The following GFOD1 variants were observed in gnomAD, a reference collection of about 807,000 sequenced individuals.
The protein encoded by GFOD1 is Gfo/Idh/MocA-like oxidoreductase domain containing 1.
In GFOD1, 9 loss-of-function variants were observed where a neutral mutation model predicts 25.4. That is an observed-to-expected ratio of 0.35 (90% CI 0.21 to 0.62). The LOEUF (loss-of-function observed/expected upper bound fraction) is 0.62. Ranked by LOEUF, GFOD1 falls within the 20% of genes least tolerant of loss-of-function variation. GFOD1 has a pLI of 0.72. For missense variants in GFOD1, 403 were observed against 556.9 expected, an observed-to-expected ratio of 0.72 and a Z score of 2.78; for synonymous variants, 253 against 245.6, an observed-to-expected ratio of 1.03 and a Z score of -0.28.
chr6:13,395,363 C>T (rs1785709861), intron 1 of GFOD1, among the ~76,000 whole-genome samples: 1 of 152,156 alleles, frequency 6.6e-6, no homozygotes, highest in Admixed American at 6.5e-5. Flanking sequence ...GGCACTGGAT[C>T]CATGATAAAG....
chr6:13,427,669 A>G lies in GFOD1; in HGVS notation c.253+58969T>C, dbSNP rs557638305. Reference sequence around the variant, plus strand: ...CTGTCTCAAAAAAAAAGGCTTTGTAATAAACTTTTCTGATGTTTTTCAGAA... The same window carrying G: ...CTGTCTCAAAAAAAAAGGCTTTGTAGTAAACTTTTCTGATGTTTTTCAGAA... On this transcript the variant is annotated intron_variant, in intron 1 of 1. Coordinates refer to ENST00000379287, the MANE Select transcript of GFOD1 (RefSeq NM_018988.4). 2.6e-4 allele frequency among the ~76,000 whole-genome samples: 40 copies of G among 152,344 alleles called. No homozygotes were observed. The South Asian group carries it at 7.3e-3, about 28-fold the overall frequency.
At chr6:13,426,967 TC>T (rs1175754885) in intron 1 of GFOD1, among the ~76,000 whole-genome samples, 2 of 152,210 alleles carry the variant, frequency 1.3e-5, no homozygotes, top group African/African-American at 2.4e-5. Flanking sequence ...CTCAGTTTTC[TC>T]CTCTGCACAG....
At position 13,359,646 on chromosome 6, in the gene GFOD1, A is replaced by G. The variant is rs1784916902; in HGVS notation, c.*5097T>C. On this transcript the variant is annotated 3_prime_UTR_variant, in exon 2 of 2. Coordinates refer to ENST00000379287, the MANE Select transcript of GFOD1 (RefSeq NM_018988.4). The stretch of plus-strand genomic sequence containing the variant: ...GTACATTCAAGACATAATTGAATTT[A>G]TTTTAAAAAATGGATTTCCCGGCTG... The G allele has an allele frequency of 6.6e-6, 1 of 152,218 alleles. No homozygotes were observed. Among genetic ancestry groups the G allele is most frequent in the Non-Finnish European group, 1.5e-5 (1 of 68,042 alleles). 9.4% of individuals were successfully genotyped at this position (152,218 alleles called of 1,614,324 possible).
At chr6:13,441,469 C>T (rs931617580) in intron 1 of GFOD1, among the ~76,000 whole-genome samples, 7 of 152,126 alleles carry the variant, frequency 4.6e-5, no homozygotes, top group African/African-American at 1.7e-4. Flanking sequence ...GGGTTCTGTC[C>T]GATTTCATAC....
chr6:13,436,802 T>C (rs1390438373), intron 1 of GFOD1, among the ~76,000 whole-genome samples: 2 of 152,216 alleles, frequency 1.3e-5, no homozygotes, highest in Non-Finnish European at 2.9e-5. Flanking sequence ...TATGAGAAAA[T>C]GATTGATGAG....
At chr6:13,456,421 C>T (rs551604904) in intron 1 of GFOD1, among the ~76,000 whole-genome samples, 22 of 152,198 alleles carry the variant, frequency 1.4e-4, no homozygotes, top group South Asian at 2.1e-4. Context: ...GTGATCCACC[C>T]GCCTCGACTT....
intron 1 of GFOD1, among the ~76,000 whole-genome samples, chr6:13,471,218 G>A (rs1758496902): frequency 6.6e-6 from 1 of 152,154 alleles, no homozygotes; most frequent in Admixed American, 6.5e-5. Flanking sequence ...GTTCTCGAAA[G>A]TTCTTGCAGG....
intron 1 of GFOD1, among the ~76,000 whole-genome samples, chr6:13,479,976 C>A (rs1758711641): frequency 6.6e-6 from 1 of 152,186 alleles, no homozygotes; most frequent in African/African-American, 2.4e-5. Flanking sequence ...CCAAGTGCAT[C>A]ATGAGCATTA....
At chr6:13,457,035 T>G (rs1390091862) in intron 1 of GFOD1, among the ~76,000 whole-genome samples, 1 of 152,140 alleles carries the variant, frequency 6.6e-6, no homozygotes, top group Non-Finnish European at 1.5e-5. Context: ...AGATGGGGCT[T>G]TTCTCTCATA....
intron 1 of GFOD1, among the ~76,000 whole-genome samples, chr6:13,366,969 T>C (rs1477781535): frequency 6.6e-6 from 1 of 151,884 alleles, no homozygotes; most frequent in Non-Finnish European, 1.5e-5. Flanking sequence ...TAAACAGAAA[T>C]AGATTTTGCT....
intron 1 of GFOD1, among the ~76,000 whole-genome samples, chr6:13,480,707 G>A (rs759114162): frequency 6.6e-6 from 1 of 152,054 alleles, no homozygotes; most frequent in African/African-American, 2.4e-5. Context: ...GGCTGATCTC[G>A]AAGTCCTGGG....
At chr6:13,423,143 T>A (rs1181384727) in intron 1 of GFOD1, among the ~76,000 whole-genome samples, 1 of 151,778 alleles carries the variant, frequency 6.6e-6, no homozygotes, top group Admixed American at 6.6e-5. Flanking sequence ...AAAGTCTGTC[T>A]CATTTCCAAA....
In GFOD1 at chr6:13,485,756, C is replaced by G. The variant is rs976023817; in HGVS notation, c.253+882G>C. 4.6e-5 allele frequency among the ~76,000 whole-genome samples: 7 copies of G among 152,166 alleles called. No individual in the cohort carries two copies. The South Asian group carries it at 8.3e-4, about 18-fold the overall frequency. On this transcript the variant is annotated intron_variant, in intron 1 of 1. Transcript: ENST00000379287. ...GCCCACGGGTCAACACTGTGCCTTCCGAAACTATTCCTGAAGGCGATTAGG... is the reference window on the plus strand; with the variant it reads ...GCCCACGGGTCAACACTGTGCCTTCGGAAACTATTCCTGAAGGCGATTAGG...
chr6:13,462,155 G>A (rs1584666147), intron 1 of GFOD1, among the ~76,000 whole-genome samples: 1 of 152,202 alleles, frequency 6.6e-6, no homozygotes, highest in East Asian at 1.9e-4. Flanking sequence ...CAAATACCAT[G>A]GGGTTTGCAT....
chr6:13,366,140 A>G (rs554587683), intron 1 of GFOD1, among the ~76,000 whole-genome samples: 1 of 152,170 alleles, frequency 6.6e-6, no homozygotes, highest in South Asian at 2.1e-4. Context: ...ATATATTTCA[A>G]TATTACTTTA....
chr6:13,410,678 G>A (rs1241846806), intron 1 of GFOD1, among the ~76,000 whole-genome samples: 3 of 151,814 alleles, frequency 2.0e-5, no homozygotes, highest in African/African-American at 7.3e-5. Context: ...TGGAAAGAAG[G>A]GGCATTAATT....
rs1785033453 is a variant in GFOD1, at chr6:13,365,797, C to T, written c.254-135G>A. The T allele has an allele frequency of 1.3e-6, 1 of 749,670 alleles. No individual in the cohort carries two copies. Among genetic ancestry groups the T allele is most frequent in the Non-Finnish European group, 2.1e-6 (1 of 475,120 alleles). The allele number at this position is 749,670 out of a possible 1,614,324, so 46.4% of individuals were successfully genotyped here. A position where few individuals can be genotyped will look rare whatever the true frequency, so the allele number is the denominator to read the frequency against. On this transcript the variant is annotated intron_variant, in intron 1 of 1. Transcript: ENST00000379287. This position sits in a 1 kb window ranked among gnomAD's most constrained non-coding sequence, Gnocchi z 9.2. ...TGGTGGCTCATGCCTGTTGTCCCAG[C>T]ACTTTGGGAGGCCAAGGCCGGAGGA...
rs551639521 is a variant in GFOD1, at chr6:13,421,502, A to G, written c.254-55840T>C. Among the ~76,000 whole-genome samples the G allele has an allele frequency of 6.6e-5, 10 of 152,278 alleles. No individual in the cohort carries two copies. The South Asian group carries it at 1.9e-3, about 28-fold the overall frequency. On this transcript the variant is annotated intron_variant, in intron 1 of 1. Transcript: ENST00000379287. ...AAGTGAGACCCTGTCTCAAAAAAAA[A>G]GTAAGAAAAGCTTAAAAAATTATAC...
chr6:13,387,134 C>T (rs1785490927), intron 1 of GFOD1, among the ~76,000 whole-genome samples: 1 of 152,188 alleles, frequency 6.6e-6, no homozygotes, highest in Non-Finnish European at 1.5e-5. Flanking sequence ...TTGCAAGCAG[C>T]TTTCCCACAT....
Sources: gnomAD v4.1 joint callset for allele counts (sites outside exome capture counted in the v4.1 genomes callset) on GRCh38, gnomAD v4.1.1 for gene constraint, Gnocchi (gnomAD v3.1) non-coding constraint, MANE v1.5 for transcripts, NCBI Gene and HGNC (gene_info 2026-07-23, HGNC 2026-07-21) for gene names.